The following ST6GALNAC5 variants were observed in gnomAD, a reference collection of about 807,000 sequenced individuals.
The protein encoded by ST6GALNAC5 is alpha-N-acetylgalactosaminide alpha-2,6-sialyltransferase 5.
A neutral mutation model predicts 33.6 loss-of-function variants in ST6GALNAC5; 27 were observed. That is an observed-to-expected ratio of 0.80 (90% CI 0.59 to 1.11). ST6GALNAC5 has a LOEUF of 1.11. ST6GALNAC5 is among the 50% of genes least tolerant of loss of function. The pLI, the probability that ST6GALNAC5 is intolerant of heterozygous loss-of-function variation, is 0.00. For missense variants in ST6GALNAC5, 428 were observed against 454.0 expected (o/e 0.94, Z 0.52); for synonymous variants, 194 against 171.2 (o/e 1.13, Z -1.04).
chr1:76,936,986 G>GTGTA (rs1647213332), intron 2 of ST6GALNAC5, among the ~76,000 whole-genome samples: 1 of 151,040 alleles, frequency 6.6e-6, no homozygotes, highest in Non-Finnish European at 1.5e-5. Context: ...GTGTGTGTGT[G>GTGTA]TGTATGTGTT....
At chr1:76,922,951 A>T (rs1163916427) in intron 2 of ST6GALNAC5, among the ~76,000 whole-genome samples, 2 of 138,204 alleles carry the variant, frequency 1.4e-5, no homozygotes, top group Non-Finnish European at 3.1e-5. Flanking sequence ...AAAAAAAAAG[A>T]AAAAAGAAAA....
intron 2 of ST6GALNAC5, among the ~76,000 whole-genome samples, chr1:76,971,907 G>A (rs1648772991): frequency 6.6e-6 from 1 of 152,148 alleles, no homozygotes; most frequent in Non-Finnish European, 1.5e-5. Context: ...ACAATGAAAA[G>A]TCCTTTTCCT....
intron 2 of ST6GALNAC5, among the ~76,000 whole-genome samples, chr1:76,941,943 A>G (rs2100325725): frequency 6.6e-6 from 1 of 152,260 alleles, no homozygotes; most frequent in East Asian, 1.9e-4. Flanking sequence ...GTTAGAAGGG[A>G]CAGTGTCTCT....
At chr1:76,903,722 C>A (rs1646838861) in intron 2 of ST6GALNAC5, among the ~76,000 whole-genome samples, 1 of 151,998 alleles carries the variant, frequency 6.6e-6, no homozygotes. Context: ...CCATAAGAAG[C>A]AATGAAAATA....
chr1:76,958,992 T>C (rs1452551698), intron 2 of ST6GALNAC5, among the ~76,000 whole-genome samples: 1 of 152,144 alleles, frequency 6.6e-6, no homozygotes, highest in Non-Finnish European at 1.5e-5. Flanking sequence ...TAGGCCTCAC[T>C]GCCTCCTCCT....
intron 2 of ST6GALNAC5, among the ~76,000 whole-genome samples, chr1:76,945,082 A>G (rs747289358): frequency 2.2e-4 from 34 of 152,016 alleles, no homozygotes; most frequent in Non-Finnish European, 4.4e-4. Context: ...ATGGCTTTGG[A>G]GTGTGGCACA....
At chr1:76,987,370 A>C (rs1057148632) in intron 2 of ST6GALNAC5, among the ~76,000 whole-genome samples, 1 of 152,152 alleles carries the variant, frequency 6.6e-6, no homozygotes, top group Non-Finnish European at 1.5e-5. Flanking sequence ...AGGGAAATGC[A>C]AATCCAAATC....
chr1:76,971,864 G>T (rs2100366293), intron 2 of ST6GALNAC5, among the ~76,000 whole-genome samples: 1 of 152,284 alleles, frequency 6.6e-6, no homozygotes, highest in Middle Eastern at 3.4e-3. Flanking sequence ...TAGACACATT[G>T]TTCAATAAAT....
chr1:77,041,614 C>G (rs1210108922), intron 2 of ST6GALNAC5, among the ~76,000 whole-genome samples: 1 of 152,160 alleles, frequency 6.6e-6, no homozygotes, highest in Admixed American at 6.5e-5. Flanking sequence ...AATTGCCTCT[C>G]ATCCCAACAG....
At chr1:77,038,672 G>A (rs1651737361) in intron 2 of ST6GALNAC5, among the ~76,000 whole-genome samples, 1 of 152,224 alleles carries the variant, frequency 6.6e-6, no homozygotes, top group Non-Finnish European at 1.5e-5. Context: ...AGGCTCCAGA[G>A]CAGTCAGCCA....
In ST6GALNAC5 at chr1:76,912,371, T is replaced by C. The variant is rs555885652; in HGVS notation, c.261+43629T>C. Among the ~76,000 whole-genome samples, 77 of 152,250 alleles carry C rather than the reference T, an allele frequency of 5.1e-4. No homozygotes were observed. The South Asian group carries it at 0.016, about 31-fold the overall frequency. ...TATGTGGTCAATTTTGGAATAGGTA[T>C]GGTGTGGTGCTGAAAAAAATGTATA... is the stretch of plus-strand genomic sequence containing the variant. On this transcript the variant is annotated intron_variant, in intron 2 of 4. Transcript: ENST00000477717.
chr1:76,991,179 C>T (rs185495825), intron 2 of ST6GALNAC5, among the ~76,000 whole-genome samples: 1 of 152,246 alleles, frequency 6.6e-6, no homozygotes, highest in Admixed American at 6.5e-5. Flanking sequence ...AAATAAACAA[C>T]CCTACAGGGA....
chr1:76,987,476 C>G (rs900206727), intron 2 of ST6GALNAC5, among the ~76,000 whole-genome samples: 9 of 152,228 alleles, frequency 5.9e-5, no homozygotes, highest in Admixed American at 2.6e-4. Flanking sequence ...TTGGAACCCT[C>G]ATACGTTGCT....
intron 2 of ST6GALNAC5, among the ~76,000 whole-genome samples, chr1:76,946,823 C>A (rs1647533986): frequency 6.6e-6 from 1 of 152,028 alleles, no homozygotes; most frequent in South Asian, 2.1e-4. Flanking sequence ...ATGTAACTGA[C>A]CTATTTTCAA....
chr1:77,009,508 A>T (rs1246272637), intron 2 of ST6GALNAC5, among the ~76,000 whole-genome samples: 1 of 152,120 alleles, frequency 6.6e-6, no homozygotes, highest in Non-Finnish European at 1.5e-5. Context: ...AATTACGGGT[A>T]GGAGAGGGAT....
chr1:76,934,844 T>C (rs1309764893), intron 2 of ST6GALNAC5, among the ~76,000 whole-genome samples: 1 of 152,064 alleles, frequency 6.6e-6, no homozygotes. Flanking sequence ...AAAGCCTCTG[T>C]TGGGTCTTCA....
At chr1:77,007,974 A>T (rs969526872) in intron 2 of ST6GALNAC5, among the ~76,000 whole-genome samples, 1 of 152,228 alleles carries the variant, frequency 6.6e-6, no homozygotes, top group Non-Finnish European at 1.5e-5. Context: ...GGATGGCTAC[A>T]ACAGACATTT....
intron 2 of ST6GALNAC5, among the ~76,000 whole-genome samples, chr1:77,031,039 G>A (rs994922312): frequency 1.2e-4 from 19 of 152,184 alleles, no homozygotes; most frequent in Non-Finnish European, 1.5e-5. Flanking sequence ...GGAAAAAGAA[G>A]AAAATGTGAT....
At chr1:76,975,134 A>G (rs1648955796) in intron 2 of ST6GALNAC5, among the ~76,000 whole-genome samples, 1 of 152,072 alleles carries the variant, frequency 6.6e-6, no homozygotes, top group South Asian at 2.1e-4. Context: ...GTTATTAAAT[A>G]ATAAAGTTAA....
Sources: gnomAD v4.1 joint callset for allele counts (sites outside exome capture counted in the v4.1 genomes callset) on GRCh38, gnomAD v4.1.1 for gene constraint, MANE v1.5 for transcripts, NCBI Gene and HGNC (gene_info 2026-07-23, HGNC 2026-07-21) for gene names.